Variants in RPSA2 observed in about 807,000 individuals in gnomAD.
RPSA2 encodes the protein ribosomal protein SA 2.
the RPSA2 span, among the ~76,000 whole-genome samples, chr19:23,856,186 G>A: frequency 6.6e-6 from 1 of 152,026 alleles, no homozygotes; most frequent in East Asian, 1.9e-4. Context: ...ACTGCAGGGG[G>A]TTATGGGATT....
chr19:23,827,589 C>G, the RPSA2 span: 233 of 1,587,346 alleles, frequency 1.5e-4, no homozygotes, highest in African/African-American at 2.3e-3. Context: ...GTTAACCTAC[C>G]TACCATTGCG....
the RPSA2 span, among the ~76,000 whole-genome samples, chr19:23,854,704 G>A: frequency 6.6e-6 from 1 of 152,190 alleles, no homozygotes; most frequent in Non-Finnish European, 1.5e-5. Flanking sequence ...TTTTAACAAT[G>A]CAATTTTTTT....
the RPSA2 span, among the ~76,000 whole-genome samples, chr19:23,844,853 A>C: frequency 6.6e-6 from 1 of 151,396 alleles, no homozygotes; most frequent in African/African-American, 2.4e-5. Flanking sequence ...TAGAATTTTT[A>C]TACATTTGGT....
At chr19:23,836,495 C>T in the RPSA2 span, among the ~76,000 whole-genome samples, 1 of 152,142 alleles carries the variant, frequency 6.6e-6, no homozygotes, top group Non-Finnish European at 1.5e-5. Flanking sequence ...GCAAGTATCT[C>T]TTTCAAATAA....
chr19:23,761,929 TTTTTTTGA>T, the RPSA2 span, among the ~76,000 whole-genome samples: 16 of 80,578 alleles, frequency 2.0e-4, no homozygotes, highest in African/African-American at 6.2e-4. Context: ...TCTTTTTTTT[TTTTTTTGA>T]GATGGAGTCT....
the RPSA2 span, among the ~76,000 whole-genome samples, chr19:23,847,413 G>C: frequency 6.6e-6 from 1 of 152,144 alleles, no homozygotes; most frequent in Non-Finnish European, 1.5e-5. Flanking sequence ...AGAGTACAAA[G>C]AGAGGAATTT....
chr19:23,857,495 TTTTTTTTTTTTTG>T, the RPSA2 span, among the ~76,000 whole-genome samples: 2 of 113,034 alleles, frequency 1.8e-5, 1 homozygote, highest in South Asian at 6.3e-4. Context: ...CTTTTTTTTT[TTTTTTTTTTTTTG>T]AGATGGAGTT....
chr19:23,852,210 G>A, the RPSA2 span, among the ~76,000 whole-genome samples: 2 of 152,180 alleles, frequency 1.3e-5, no homozygotes, highest in Non-Finnish European at 2.9e-5. Flanking sequence ...GTGGAGATGG[G>A]AATCTTCATG....
chr19:23,829,379 G>A, the RPSA2 span, among the ~76,000 whole-genome samples: 11 of 152,084 alleles, frequency 7.2e-5, no homozygotes, highest in Admixed American at 4.6e-4. Context: ...TTGGCTCACC[G>A]CAATCTCCGC....
the RPSA2 span, among the ~76,000 whole-genome samples, chr19:23,821,415 C>CTAA: frequency 2.1e-4 from 32 of 152,326 alleles, no homozygotes; most frequent in Admixed American, 2.0e-3. Context: ...ACCTGGCAGT[C>CTAA]CTAAGGCTGG....
chr19:23,765,340 G>A, the RPSA2 span, among the ~76,000 whole-genome samples: 5 of 152,074 alleles, frequency 3.3e-5, no homozygotes, highest in African/African-American at 7.3e-5. Flanking sequence ...ACATGCATGC[G>A]TATGTGCACC....
the RPSA2 span, among the ~76,000 whole-genome samples, chr19:23,852,672 C>A: frequency 2.6e-5 from 4 of 152,188 alleles, no homozygotes; most frequent in African/African-American, 7.2e-5. Flanking sequence ...AACCCACATC[C>A]TTTCAGCTTG....
At chr19:23,761,284 T>C in the RPSA2 span, among the ~76,000 whole-genome samples, 1 of 152,070 alleles carries the variant, frequency 6.6e-6, no homozygotes, top group Non-Finnish European at 1.5e-5. Context: ...CTCACTACAT[T>C]GCCCAGACTG....
At chr19:23,855,312 C>T in the RPSA2 span, among the ~76,000 whole-genome samples, 1 of 152,106 alleles carries the variant, frequency 6.6e-6, no homozygotes, top group Non-Finnish European at 1.5e-5. Flanking sequence ...ACAGTTTTTG[C>T]CAAAATGTCC....
the RPSA2 span, among the ~76,000 whole-genome samples, chr19:23,777,331 T>C: frequency 1.3e-5 from 2 of 152,246 alleles, no homozygotes; most frequent in Non-Finnish European, 2.9e-5. Context: ...CTAGGTGATG[T>C]AACTCTCCTG....
chr19:23,811,780 A>G, the RPSA2 span, among the ~76,000 whole-genome samples: 2 of 152,292 alleles, frequency 1.3e-5, no homozygotes, highest in Admixed American at 6.5e-5. Flanking sequence ...CTCTAACCAT[A>G]TTCTGCTAAA....
chr19:23,859,743 C>T, the RPSA2 span, among the ~76,000 whole-genome samples: 1 of 152,114 alleles, frequency 6.6e-6, no homozygotes, highest in South Asian at 2.1e-4. Context: ...AATCGTTTGT[C>T]CAAAATTATT....
the RPSA2 span, among the ~76,000 whole-genome samples, chr19:23,804,112 T>A: frequency 2.0e-5 from 3 of 152,168 alleles, no homozygotes; most frequent in Admixed American, 2.0e-4. Context: ...TGTGTACATG[T>A]TGTTTTCTAA....
the RPSA2 span, among the ~76,000 whole-genome samples, chr19:23,789,568 A>G: frequency 1.3e-5 from 2 of 152,128 alleles, no homozygotes; most frequent in Non-Finnish European, 2.9e-5. Context: ...TCTCCTAGCT[A>G]GGCTTAGGAA....
Sources: gnomAD v4.1 joint callset for allele counts (sites outside exome capture counted in the v4.1 genomes callset) on GRCh38, gnomAD v4.1.1 for gene constraint, MANE v1.5 for transcripts, NCBI Gene and HGNC (gene_info 2026-07-23, HGNC 2026-07-21) for gene names.